PPFIA4: variants seen among roughly 807,000 people sequenced by gnomAD.
PPFIA4 encodes liprin-alpha-4.
A neutral mutation model predicts 145.7 loss-of-function variants in PPFIA4; 98 were observed. The ratio of observed to expected loss-of-function variants is 0.67; its 90% CI spans 0.57 to 0.80. The LOEUF (loss-of-function observed/expected upper bound fraction) is 0.80. Among genes scored for constraint, PPFIA4 ranks in the 30% least tolerant of loss-of-function variants. PPFIA4 has a pLI of 0.00. For missense variants in PPFIA4, 1,457 were observed against 1,632.7 expected, an observed-to-expected ratio of 0.89 and a Z score of 1.85; for synonymous variants, 628 against 649.6, an observed-to-expected ratio of 0.97 and a Z score of 0.51.
At chr1:203,062,448 C>T (rs1661440310) in intron 24 of PPFIA4, among the ~76,000 whole-genome samples, 1 of 133,312 alleles carries the variant, frequency 7.5e-6, no homozygotes, top group African/African-American at 2.9e-5. Flanking sequence ...CCACTGCACT[C>T]CAGCCTGGGT....
intron 27 of PPFIA4, among the ~76,000 whole-genome samples, chr1:203,071,437 C>CTGAGATTACAGGCGTGAG (rs1553260988): frequency 4.6e-5 from 7 of 151,842 alleles, no homozygotes; most frequent in South Asian, 2.1e-4. Context: ...TCCCAAAGTG[C>CTGAGATTACAGGCGTGAG]CCGGCCACTA....
intron 1 of PPFIA4, chr1:203,035,146 C>G (rs980437637): frequency 1.1e-5 from 4 of 366,948 alleles, no homozygotes; most frequent in African/African-American, 8.5e-5. Context: ...TCACCTCCAG[C>G]TGGGTGGGTG....
In PPFIA4 at chr1:203,076,724, G is replaced by A. The variant is rs1010102958; in HGVS notation, c.*334G>A. 2.7e-6 allele frequency: 1 copy of A among 369,168 alleles called. No homozygotes were observed. The highest frequency in any genetic ancestry group is 2.1e-5 in the African/African-American group (1 of 48,362). 22.9% of individuals were successfully genotyped at this position (369,168 alleles called of 1,614,324 possible). On this transcript the variant is annotated 3_prime_UTR_variant, in exon 30 of 30. Coordinates refer to ENST00000295706, the MANE Select transcript of PPFIA4 (RefSeq NM_001304331.2). ...TCCTCTTCTGGACCCAGCCTGGTCT[G>A]CACTGCAACCTCCACCAGGACCAGG...
In PPFIA4 at chr1:203,075,489, A is replaced by G; in HGVS notation, c.3394-88A>G. On this transcript the variant is annotated intron_variant, in intron 28 of 29. Transcript: ENST00000295706. The surrounding 1 kb of genome is among the most constrained non-coding windows in gnomAD (Gnocchi z 4.1). ...AAGGGGTGGGAGTGGTGCCCCTTGAACCAGCAGCGACTGGCCCCCTCCAGG... is the reference window on the plus strand; with the variant it reads ...AAGGGGTGGGAGTGGTGCCCCTTGAGCCAGCAGCGACTGGCCCCCTCCAGG... 8.6e-7 allele frequency: 1 copy of G among 1,157,706 alleles called. No individual in the cohort carries two copies. The highest frequency in any genetic ancestry group is 1.1e-6 in the Non-Finnish European group (1 of 895,938). The allele number at this position is 1,157,706 out of a possible 1,614,324, so 71.7% of individuals were successfully genotyped here.
In PPFIA4 at chr1:203,071,724, C is replaced by T. The variant is rs1223816352; in HGVS notation, c.3357C>T (p.Asn1119=). Residue 1119 remains asparagine (N), a synonymous_variant, in exon 28 of 30, where the codon AAC becomes AAT. Transcript: ENST00000295706. ...AAGTGATGGAAAGAGAGTTCAATAA[C>T]CTGTTGGCCTTGGGCACAGACCGGA... The part of the protein sequence containing the change: ...ARQVMEREFN[N]LLALGTDRKL... The T allele has an allele frequency of 6.2e-7, 1 of 1,613,132 alleles. No individual in the cohort carries two copies. Among genetic ancestry groups the T allele is most frequent in the Non-Finnish European group, 8.5e-7 (1 of 1,179,460 alleles).
At chr1:203,032,418 C>T (rs1402924746) in intron 1 of PPFIA4, among the ~76,000 whole-genome samples, 1 of 71,256 alleles carries the variant, frequency 1.4e-5, no homozygotes, top group East Asian at 4.7e-4. Context: ...GTAGTTCTCC[C>T]TTCCCCGCTT....
chr1:203,069,635 A>G (rs1661992086), intron 27 of PPFIA4, among the ~76,000 whole-genome samples: 1 of 152,162 alleles, frequency 6.6e-6, no homozygotes, highest in African/African-American at 2.4e-5. Context: ...CTGGGAGCAG[A>G]CACGTTTTGG....
At position 203,060,740 on chromosome 1, in the gene PPFIA4, G is replaced by A. The variant is rs974482938; in HGVS notation, c.2785-230G>A. Among the ~76,000 whole-genome samples the A allele has an allele frequency of 2.6e-5, 4 of 152,218 alleles. No individual in the cohort carries two copies. Among genetic ancestry groups the A allele is most frequent in the Non-Finnish European group, 4.4e-5 (3 of 68,042 alleles). ...GGTTGTCAGGTTGGGGGAAACAAAG[G>A]GAAGAGGGCATTTGTGAATATTGTC... On this transcript the variant is annotated intron_variant, in intron 22 of 29. Coordinates refer to ENST00000295706, the MANE Select transcript of PPFIA4 (RefSeq NM_001304331.2). The surrounding 1 kb of genome is among the most constrained non-coding windows in gnomAD (Gnocchi z 4.8).
chr1:203,066,501 CA>C (rs1357478558), intron 25 of PPFIA4, among the ~76,000 whole-genome samples: 2 of 152,202 alleles, frequency 1.3e-5, no homozygotes, highest in Non-Finnish European at 2.9e-5. Context: ...AAGTAGCATT[CA>C]AGGAAGGAAG....
At chr1:203,027,246 AAG>A (rs1304533478) in intron 1 of PPFIA4, among the ~76,000 whole-genome samples, 1 of 152,108 alleles carries the variant, frequency 6.6e-6, no homozygotes, top group Non-Finnish European at 1.5e-5. Context: ...GCAACAGGAA[AAG>A]AGGGCTGGAA....
At chr1:203,046,407 C>T in intron 9 of PPFIA4, 25 bp downstream of exon 9, 1 of 1,570,252 alleles carries the variant, frequency 6.4e-7, no homozygotes, top group Non-Finnish European at 8.6e-7. Context: ...GGCCTGGGAT[C>T]TGCCTCTGTC....
Position 203,076,255 on chromosome 1 carries a change from C to CGCTG in PPFIA4, c.3575-85_3575-82dup, listed in dbSNP as rs200158581. On this transcript the variant is annotated intron_variant, in intron 29 of 29. Coordinates refer to ENST00000295706, the MANE Select transcript of PPFIA4 (RefSeq NM_001304331.2). ...TTGCGCTTGGAGCACGCTGCGTTGCCGCTGTCGCACACATCCTACAACCTC... is the reference window on the plus strand; with the variant it reads ...TTGCGCTTGGAGCACGCTGCGTTGCCGCTGGCTGTCGCACACATCCTACAACCTC... 10,081 of 1,439,662 alleles carry CGCTG rather than the reference C, an allele frequency of 7.0e-3. 403 individuals are homozygous for CGCTG. In the Admixed American group the frequency reaches 0.092, roughly 13 times the overall value. 89.2% of individuals were successfully genotyped at this position (1,439,662 alleles called of 1,614,324 possible).
At chr1:203,049,175 A>T (rs891166203) in intron 12 of PPFIA4, among the ~76,000 whole-genome samples, 195 bp downstream of exon 12, 4 of 152,232 alleles carry the variant, frequency 2.6e-5, no homozygotes, top group African/African-American at 9.6e-5. Flanking sequence ...GGAAAGAAGA[A>T]ACTGAGGCCA....
At chr1:203,033,610 G>A (rs1305146665) in intron 1 of PPFIA4, among the ~76,000 whole-genome samples, 3 of 152,146 alleles carry the variant, frequency 2.0e-5, no homozygotes, top group African/African-American at 4.8e-5. Flanking sequence ...GATCTTCCCA[G>A]GGTCACCTGC....
At chr1:203,045,636 C>T (rs1198953934) in intron 7 of PPFIA4, 77 bp downstream of exon 7, 11 of 1,474,612 alleles carry the variant, frequency 7.5e-6, no homozygotes, top group East Asian at 2.5e-5. Flanking sequence ...GGCTCTGGGG[C>T]GTGAGACTGA....
At chr1:203,045,656 T>G in intron 7 of PPFIA4, 97 bp downstream of exon 7, 1 of 1,453,014 alleles carries the variant, frequency 6.9e-7, no homozygotes, top group Non-Finnish European at 9.2e-7. Context: ...AACACCTGCC[T>G]CCTTGCCTGG....
intron 28 of PPFIA4, among the ~76,000 whole-genome samples, chr1:203,074,471 A>G (rs1662380958): frequency 6.6e-6 from 1 of 152,172 alleles, no homozygotes; most frequent in African/African-American, 2.4e-5. Flanking sequence ...GCATGACTGT[A>G]TTAATGAAAT....
Position 203,059,235 on chromosome 1 carries a change from G to T in PPFIA4, c.2465G>T (p.Gly822Val). 1 of 1,556,844 alleles carries T rather than the reference G, an allele frequency of 6.4e-7. No individual in the cohort carries two copies. The highest frequency in any genetic ancestry group is 2.3e-5 in the East Asian group (1 of 42,790). Residue 822 changes from glycine to valine, a missense_variant, in exon 20 of 30, where the codon GGG (glycine) becomes GTG (valine). By Grantham distance (109) the Gly-to-Val change is moderately radical. Transcript: ENST00000295706. ...MQEPMVPAKLGTQAEKDRRLK... is the reference protein window; with the variant it reads ...MQEPMVPAKLVTQAEKDRRLK... Reference sequence around the variant, plus strand: ...GAGCCTATGGTGCCTGCCAAGCTGGGGACCCAGGCAGAGAAGGACCGGCGG... The same window carrying T: ...GAGCCTATGGTGCCTGCCAAGCTGGTGACCCAGGCAGAGAAGGACCGGCGG...
chr1:203,036,530 G>T (rs182848116), intron 1 of PPFIA4, among the ~76,000 whole-genome samples: 1 of 151,788 alleles, frequency 6.6e-6, no homozygotes, highest in Non-Finnish European at 1.5e-5. Context: ...TTGGCCTCTC[G>T]TGGCATCTTG....
Sources: allele counts gnomAD v4.1 joint callset (sites outside exome capture counted in the v4.1 genomes callset), GRCh38; gene constraint gnomAD v4.1.1; non-coding constraint Gnocchi (gnomAD v3.1); transcripts MANE v1.5; gene names NCBI Gene and HGNC (gene_info 2026-07-23, HGNC 2026-07-21).